STYX: variants seen among roughly 807,000 people sequenced by gnomAD.
STYX encodes serine/threonine/tyrosine-interacting protein.
STYX carries 20 observed loss-of-function variants against 42.7 expected under a neutral mutation model. The ratio of observed to expected loss-of-function variants is 0.47; its 90% CI spans 0.33 to 0.68. STYX has a LOEUF of 0.68. Ranked by LOEUF, STYX falls within the 30% of genes least tolerant of loss-of-function variation. The pLI is 0.02. For synonymous variants in STYX, 78 were observed against 81.9 expected (o/e 0.95, Z 0.26); for missense variants, 226 against 268.5 (o/e 0.84, Z 1.11).
At chr14:52,754,035 A>G (rs533512676) in intron 4 of STYX, among the ~76,000 whole-genome samples, 3 of 150,744 alleles carry the variant, frequency 2.0e-5, no homozygotes. Flanking sequence ...GATTACAGGC[A>G]TGTGCCACCA....
At chr14:52,740,896 T>C (rs986260249) in intron 1 of STYX, among the ~76,000 whole-genome samples, 1 of 152,220 alleles carries the variant, frequency 6.6e-6, no homozygotes, top group South Asian at 2.1e-4. Flanking sequence ...TTACATCTAT[T>C]TCCAGGCATT....
chr14:52,765,628 T>C (rs1413357393), intron 9 of STYX, among the ~76,000 whole-genome samples: 1 of 152,178 alleles, frequency 6.6e-6, no homozygotes, highest in Non-Finnish European at 1.5e-5. Context: ...CCAACCTTTT[T>C]CACACCAAGG....
chr14:52,759,787 G>A (rs776476352), intron 9 of STYX, 33 bp downstream of exon 9: 2 of 1,404,696 alleles, frequency 1.4e-6, no homozygotes, highest in Non-Finnish European at 2.0e-6. Flanking sequence ...GCAATCAGAA[G>A]TAAGATATAA....
chr14:52,756,486 AT>A, intron 4 of STYX, 64 bp from the exon 5 acceptor site: 4 of 945,508 alleles, frequency 4.2e-6, no homozygotes, highest in Non-Finnish European at 6.5e-6. Context: ...ATAATGAGTT[AT>A]TTTTTTAAAG....
intron 8 of STYX, 44 bp from the exon 9 acceptor site, chr14:52,759,638 C>A (rs1400344367): frequency 4.6e-6 from 6 of 1,305,948 alleles, no homozygotes; most frequent in South Asian, 1.2e-5. Flanking sequence ...ATGATTAATT[C>A]ATTAAATAAT....
chr14:52,747,024 G>A (rs1474507143), intron 3 of STYX, among the ~76,000 whole-genome samples: 1 of 152,022 alleles, frequency 6.6e-6, no homozygotes, highest in Non-Finnish European at 1.5e-5. Flanking sequence ...TTCGGATTTC[G>A]GATTTTTGGA....
rs1026907594 is a variant in STYX, at chr14:52,773,286, G to C, written c.*2180G>C. ...AGTCTCTCACAAACACTGGGAAAAG[G>C]GACTGTCATCATCTTGAGTACTCTG... On this transcript the variant is annotated 3_prime_UTR_variant, in exon 11 of 11. Transcript: ENST00000354586. 6.6e-6 allele frequency: 1 copy of C among 150,682 alleles called. No homozygotes were observed. Among genetic ancestry groups the C allele is most frequent in the Non-Finnish European group, 1.5e-5 (1 of 67,824 alleles). 9.3% of individuals were successfully genotyped at this position (150,682 alleles called of 1,614,324 possible). A position where few individuals can be genotyped will look rare whatever the true frequency, so the allele number is the denominator to read the frequency against.
intron 8 of STYX, among the ~76,000 whole-genome samples, chr14:52,759,245 C>T (rs1230187685): frequency 6.6e-6 from 1 of 152,152 alleles, no homozygotes; most frequent in African/African-American, 2.4e-5. Context: ...ACCTCAGCCT[C>T]TCAAGAAGCT....
At chr14:52,756,216 C>A (rs1881860602) in intron 4 of STYX, among the ~76,000 whole-genome samples, 1 of 152,148 alleles carries the variant, frequency 6.6e-6, no homozygotes, top group Admixed American at 6.5e-5. Context: ...GAGTCTCCCT[C>A]TGTTGCTCAG....
At chr14:52,769,703 G>A (rs1404067164) in intron 10 of STYX, among the ~76,000 whole-genome samples, 5 of 151,812 alleles carry the variant, frequency 3.3e-5, no homozygotes, top group South Asian at 2.1e-4. Context: ...ATCCTATAGG[G>A]TCCGTTTTGT....
At chr14:52,747,450 G>A (rs1221004948) in intron 3 of STYX, among the ~76,000 whole-genome samples, 4 of 152,156 alleles carry the variant, frequency 2.6e-5, no homozygotes, top group African/African-American at 9.7e-5. Context: ...TTGAGACATG[G>A]CTAAGAGTAA....
intron 1 of STYX, among the ~76,000 whole-genome samples, chr14:52,740,599 G>T (rs1375628564): frequency 6.6e-6 from 1 of 152,088 alleles, no homozygotes; most frequent in East Asian, 1.9e-4. Context: ...TTTCTTTAAA[G>T]ATATTTTTCC....
rs746060540 is a variant in STYX at position 52,730,467 on chromosome 14, C to G, written c.-8C>G. 1 of 1,613,374 alleles carries G rather than the reference C, an allele frequency of 6.2e-7. No individual in the cohort carries two copies. Among genetic ancestry groups the G allele is most frequent in the East Asian group, 2.2e-5 (1 of 44,858 alleles). On this transcript the variant is annotated 5_prime_UTR_variant, in exon 1 of 11. Transcript: ENST00000354586. The stretch of plus-strand genomic sequence containing the variant: ...CCCACCCCACCCACCAGCCCGCGGG[C>G]CAGCACCATGGAGGACGTGAAGCTG...
At chr14:52,748,587 T>C (rs1308142620) in intron 3 of STYX, among the ~76,000 whole-genome samples, 4 of 152,224 alleles carry the variant, frequency 2.6e-5, no homozygotes, top group Non-Finnish European at 5.9e-5. Flanking sequence ...ATTTGCTTCA[T>C]ATTAGGTTGG....
intron 9 of STYX, among the ~76,000 whole-genome samples, chr14:52,764,666 CTT>C (rs58502916): frequency 1.2e-4 from 12 of 98,966 alleles, no homozygotes; most frequent in Non-Finnish European, 2.2e-4. Flanking sequence ...TTTACTTTTC[CTT>C]TTTTTTTTTT....
In STYX at chr14:52,771,945, G is replaced by C. The variant is rs887845593; in HGVS notation, c.*839G>C. 1 of 152,370 alleles carries C rather than the reference G, an allele frequency of 6.6e-6. No homozygotes were observed. Among genetic ancestry groups the C allele is most frequent in the East Asian group, 1.9e-4 (1 of 5,196 alleles). The allele number at this position is 152,370 out of a possible 1,614,324, so 9.4% of individuals were successfully genotyped here. Reference sequence around the variant, plus strand: ...AAACGTTGTATTTGTTCTTTTCAGAGTTGTCCAGCCCTTTTTTCCTTTGTC... The same window carrying C: ...AAACGTTGTATTTGTTCTTTTCAGACTTGTCCAGCCCTTTTTTCCTTTGTC... On this transcript the variant is annotated 3_prime_UTR_variant, in exon 11 of 11. Coordinates refer to ENST00000354586, the MANE Select transcript of STYX (RefSeq NM_145251.4).
chr14:52,757,995 G>T, intron 8 of STYX, 71 bp downstream of exon 8: 1 of 1,536,794 alleles, frequency 6.5e-7, no homozygotes, highest in South Asian at 1.2e-5. Context: ...GGAATAGTTT[G>T]GAAGTTTGAA....
chr14:52,758,233 G>A (rs1040030808), intron 8 of STYX, among the ~76,000 whole-genome samples: 1 of 152,148 alleles, frequency 6.6e-6, no homozygotes, highest in Non-Finnish European at 1.5e-5. Context: ...AATTTATCAT[G>A]TTCTCCTTTA....
At chr14:52,736,333 A>T (rs1474838802) in intron 1 of STYX, among the ~76,000 whole-genome samples, 1 of 151,818 alleles carries the variant, frequency 6.6e-6, no homozygotes, top group Non-Finnish European at 1.5e-5. Context: ...TTTAATACTT[A>T]CCTTTGTAAC....
Sources: gnomAD v4.1 joint callset for allele counts (sites outside exome capture counted in the v4.1 genomes callset) on GRCh38, gnomAD v4.1.1 for gene constraint, MANE v1.5 for transcripts, NCBI Gene and HGNC (gene_info 2026-07-23, HGNC 2026-07-21) for gene names.